The following TTC39C variants were observed in gnomAD, a reference collection of about 807,000 sequenced individuals.
The protein encoded by TTC39C is tetratricopeptide repeat domain 39C, also known as tetratricopeptide repeat protein 39C.
In TTC39C, 33 loss-of-function variants were observed where a neutral mutation model predicts 76.3. The observed-to-expected ratio is 0.43, with a 90% CI of 0.33 to 0.58. TTC39C has a LOEUF of 0.58. Among genes scored for constraint, TTC39C ranks in the 20% least tolerant of loss-of-function variants. The pLI is 0.04. For synonymous variants in TTC39C, 254 were observed against 260.6 expected (o/e 0.97, Z 0.24); for missense variants, 595 against 701.4 (o/e 0.85, Z 1.71).
intron 12 of TTC39C, among the ~76,000 whole-genome samples, chr18:24,130,824 G>A (rs935350777): frequency 4.6e-5 from 7 of 151,762 alleles, no homozygotes; most frequent in African/African-American, 9.7e-5. Flanking sequence ...GTAGGCAACC[G>A]TAACACAATG....
At chr18:24,070,438 A>G (rs1391365666) in intron 4 of TTC39C, among the ~76,000 whole-genome samples, 4 of 152,206 alleles carry the variant, frequency 2.6e-5, no homozygotes, top group Admixed American at 2.6e-4. Flanking sequence ...ACTCAGATAT[A>G]AAAGAGTACC....
chr18:24,109,789 G>A (rs1213547198), intron 6 of TTC39C, among the ~76,000 whole-genome samples: 1 of 152,116 alleles, frequency 6.6e-6, no homozygotes, highest in East Asian at 1.9e-4. Flanking sequence ...CGGATCACTT[G>A]AGGTCGGGAG....
At chr18:24,033,251 T>G (rs1384102398) in intron 1 of TTC39C, among the ~76,000 whole-genome samples, 1 of 152,202 alleles carries the variant, frequency 6.6e-6, no homozygotes, top group East Asian at 1.9e-4. Context: ...AGACTCTGTC[T>G]CAATAAATAA....
At chr18:24,034,344 C>CA (rs1220724351) in intron 1 of TTC39C, among the ~76,000 whole-genome samples, 1 of 152,006 alleles carries the variant, frequency 6.6e-6, no homozygotes, top group Non-Finnish European at 1.5e-5. Context: ...AGTTTTCTTA[C>CA]AAAAAAGGAA....
chr18:24,040,194 G>A (rs908154701), intron 1 of TTC39C, among the ~76,000 whole-genome samples: 4 of 152,170 alleles, frequency 2.6e-5, no homozygotes, highest in Admixed American at 6.5e-5. Flanking sequence ...AATGATTAAC[G>A]TCAAATAAAC....
intron 1 of TTC39C, among the ~76,000 whole-genome samples, chr18:24,055,406 T>A (rs1478019130): frequency 6.6e-6 from 1 of 152,222 alleles, no homozygotes; most frequent in Non-Finnish European, 1.5e-5. Flanking sequence ...TATTTTGTTT[T>A]ATTTTTGATA....
At chr18:24,025,527 G>A (rs1251807287) in intron 1 of TTC39C, among the ~76,000 whole-genome samples, 6 of 152,204 alleles carry the variant, frequency 3.9e-5, no homozygotes, top group Admixed American at 1.3e-4. Context: ...TACATAAATG[G>A]AGGTAGATTC....
intron 1 of TTC39C, among the ~76,000 whole-genome samples, chr18:24,063,805 C>T (rs2084131581): frequency 6.6e-6 from 1 of 152,142 alleles, no homozygotes; most frequent in Admixed American, 6.5e-5. Flanking sequence ...TGAGCCACCG[C>T]GCCTGGCCTG....
intron 1 of TTC39C, among the ~76,000 whole-genome samples, chr18:24,017,716 C>T (rs938553673): frequency 3.9e-5 from 6 of 152,158 alleles, no homozygotes; most frequent in Admixed American, 2.0e-4. Context: ...TTGAGGAGCA[C>T]CCCCCTGGCT....
intron 1 of TTC39C, among the ~76,000 whole-genome samples, chr18:23,996,928 T>C (rs527946271): frequency 6.6e-6 from 1 of 151,440 alleles, no homozygotes; most frequent in Non-Finnish European, 1.5e-5. Flanking sequence ...GCTAACATAG[T>C]GAAACCCCGT....
At chr18:24,115,157 T>A (rs951320399) in intron 7 of TTC39C, 2 of 152,870 alleles carry the variant, frequency 1.3e-5, no homozygotes, top group Admixed American at 1.3e-4. Flanking sequence ...GCAGGGGGCC[T>A]GGCACGGAAG....
At chr18:24,005,759 G>A (rs986138430) in intron 1 of TTC39C, among the ~76,000 whole-genome samples, 2 of 151,554 alleles carry the variant, frequency 1.3e-5, no homozygotes, top group Non-Finnish European at 1.5e-5. Context: ...GTTGGAGGAC[G>A]GCTTGAATCT....
At chr18:24,059,748 A>T (rs1052455648) in intron 1 of TTC39C, among the ~76,000 whole-genome samples, 2 of 152,100 alleles carry the variant, frequency 1.3e-5, no homozygotes, top group African/African-American at 4.8e-5. Flanking sequence ...CCTGGGTTGA[A>T]TGGTATATTA....
intron 1 of TTC39C, among the ~76,000 whole-genome samples, chr18:24,045,052 T>G (rs2083847138): frequency 6.6e-6 from 1 of 151,896 alleles, no homozygotes; most frequent in Non-Finnish European, 1.5e-5. Flanking sequence ...GCAGATCACA[T>G]GAGGTTGGAA....
intron 1 of TTC39C, among the ~76,000 whole-genome samples, chr18:24,000,203 A>G (rs2083301500): frequency 6.6e-6 from 1 of 152,244 alleles, no homozygotes; most frequent in Non-Finnish European, 1.5e-5. Context: ...CCTAACCCCT[A>G]GCACTTTGGA....
intron 6 of TTC39C, among the ~76,000 whole-genome samples, chr18:24,095,539 A>C (rs540519410): frequency 1.9e-4 from 29 of 152,120 alleles, no homozygotes; most frequent in African/African-American, 6.5e-4. Flanking sequence ...TCTCTACTAA[A>C]AATACAAAAA....
intron 1 of TTC39C, chr18:24,020,144 G>T: frequency 8.1e-7 from 1 of 1,228,920 alleles, no homozygotes. Flanking sequence ...AATGGTTTAA[G>T]GGAACTGGCG....
chr18:24,051,091 C>T (rs549904378), intron 1 of TTC39C, among the ~76,000 whole-genome samples: 5 of 152,110 alleles, frequency 3.3e-5, no homozygotes, highest in Admixed American at 1.3e-4. Context: ...TCTTAGAGAG[C>T]GGCTCATTAA....
chr18:23,996,918 G>T (rs1386217611), intron 1 of TTC39C, among the ~76,000 whole-genome samples: 1 of 151,560 alleles, frequency 6.6e-6, no homozygotes, highest in Non-Finnish European at 1.5e-5. Context: ...AACTATCCTG[G>T]CTAACATAGT....
Sources: gnomAD v4.1 joint callset for allele counts (sites outside exome capture counted in the v4.1 genomes callset) on GRCh38, gnomAD v4.1.1 for gene constraint, MANE v1.5 for transcripts, NCBI Gene and HGNC (gene_info 2026-07-23, HGNC 2026-07-21) for gene names.